The following PKHD1 variants were observed in gnomAD, a reference collection of about 807,000 sequenced individuals.
The protein encoded by PKHD1 is fibrocystin.
PKHD1 carries 291 observed loss-of-function variants against 412.0 expected under a neutral mutation model. The ratio of observed to expected loss-of-function variants is 0.71; its 90% confidence interval spans 0.64 to 0.78. The LOEUF is 0.78. Among genes scored for constraint, PKHD1 ranks in the 30% least tolerant of loss-of-function variants. PKHD1 has a pLI of 0.00. For missense variants in PKHD1, 4,825 were observed against 4,950.7 expected, an observed-to-expected ratio of 0.97 and a Z score of 0.76; for synonymous variants, 1,777 against 1,821.5, an observed-to-expected ratio of 0.98 and a Z score of 0.62.
intron 5 of PKHD1, among the ~76,000 whole-genome samples, chr6:52,076,756 G>C (rs1054862971): frequency 6.6e-6 from 1 of 152,152 alleles, no homozygotes; most frequent in African/African-American, 2.4e-5. Context: ...TTTCTAGAAA[G>C]GAATGCACTT....
At chr6:51,807,576 T>G (rs1764041542) in intron 52 of PKHD1, among the ~76,000 whole-genome samples, 1 of 148,644 alleles carries the variant, frequency 6.7e-6, no homozygotes, top group African/African-American at 2.5e-5. Context: ...TTTATTACCT[T>G]AACACCATCT....
chr6:52,011,233 C>T (rs900804858), intron 34 of PKHD1, among the ~76,000 whole-genome samples: 6 of 152,118 alleles, frequency 3.9e-5, no homozygotes, highest in East Asian at 1.9e-4. Context: ...GAGGTGAGGA[C>T]ATGGATAGTG....
At chr6:51,656,144 T>C (rs772553901) in intron 61 of PKHD1, among the ~76,000 whole-genome samples, 1 of 152,148 alleles carries the variant, frequency 6.6e-6, no homozygotes, top group Non-Finnish European at 1.5e-5. Flanking sequence ...ATATACACCA[T>C]GGAATGCTAT....
intron 22 of PKHD1, among the ~76,000 whole-genome samples, chr6:52,049,659 G>A (rs1424368012): frequency 6.6e-6 from 1 of 152,154 alleles, no homozygotes; most frequent in Admixed American, 6.5e-5. Context: ...TTATTATGAA[G>A]CAATGCTTAT....
At chr6:51,916,652 G>C (rs2127686647) in intron 37 of PKHD1, among the ~76,000 whole-genome samples, 1 of 152,234 alleles carries the variant, frequency 6.6e-6, no homozygotes, top group South Asian at 2.1e-4. Flanking sequence ...TGGACCAACT[G>C]ACTTCTCTGA....
rs574820576 is a variant in PKHD1 at position 52,014,735 on chromosome 6, T to G, written c.5600+2675A>C. Among the ~76,000 whole-genome samples the G allele has an allele frequency of 2.9e-4, 42 of 145,220 alleles. 1 individual carries two copies. The South Asian group carries it at 9.6e-3, about 33-fold the overall frequency. ...ATGGATGGATGGATGGATGGATGGA[T>G]GGATGGATGGATGGATGGATGGATG... On this transcript the variant is annotated intron_variant, in intron 34 of 66. Coordinates refer to ENST00000371117, the MANE Select transcript of PKHD1 (RefSeq NM_138694.4).
At chr6:51,665,253 A>G (rs1241622279) in intron 60 of PKHD1, among the ~76,000 whole-genome samples, 1 of 152,154 alleles carries the variant, frequency 6.6e-6, no homozygotes, top group Non-Finnish European at 1.5e-5. Context: ...AATGTTTCTC[A>G]GAAGTCAGAG....
chr6:51,991,925 A>C (rs1562078701), intron 35 of PKHD1, among the ~76,000 whole-genome samples: 1 of 152,236 alleles, frequency 6.6e-6, no homozygotes, highest in Non-Finnish European at 1.5e-5. Context: ...CAATGCCTGT[A>C]GATACTGAAA....
intron 53 of PKHD1, among the ~76,000 whole-genome samples, chr6:51,783,452 T>C (rs9382022): frequency 0.58 from 87,349 of 149,466 alleles, 26,306 homozygotes; most frequent in East Asian, 0.83. Context: ...TGGTAACCCC[T>C]ATCTGAAGTC....
At chr6:52,032,881 G>C (rs1803277296) in intron 29 of PKHD1, 149 bp downstream of exon 29, 1 of 720,388 alleles carries the variant, frequency 1.4e-6, no homozygotes, top group Non-Finnish European at 2.5e-6. Flanking sequence ...AGATTGATTC[G>C]ATGATGGCTA....
chr6:51,837,172 T>TTAG (rs1450768946), intron 50 of PKHD1, among the ~76,000 whole-genome samples: 1 of 152,166 alleles, frequency 6.6e-6, no homozygotes, highest in Non-Finnish European at 1.5e-5. Context: ...GCCTGATTAA[T>TTAG]TAGTAATCAG....
intron 2 of PKHD1, among the ~76,000 whole-genome samples, chr6:52,083,827 C>A (rs1386891237): frequency 6.6e-6 from 1 of 152,064 alleles, no homozygotes; most frequent in Non-Finnish European, 1.5e-5. Context: ...TTTCAATTCT[C>A]CTGCTCAATA....
intron 46 of PKHD1, among the ~76,000 whole-genome samples, chr6:51,874,945 AC>A (rs1215645081): frequency 1.3e-5 from 1 of 78,380 alleles, no homozygotes; most frequent in Non-Finnish European, 2.3e-5. Flanking sequence ...GCATTGCCTC[AC>A]CTGGGAAGCG....
chr6:51,779,124 G>C (rs1234241396), intron 53 of PKHD1, among the ~76,000 whole-genome samples: 1 of 152,130 alleles, frequency 6.6e-6, no homozygotes, highest in African/African-American at 2.4e-5. Flanking sequence ...GTTCTCCACT[G>C]CAGTGTTATT....
intron 60 of PKHD1, among the ~76,000 whole-genome samples, chr6:51,681,023 C>G (rs1011454096): frequency 6.6e-6 from 1 of 152,034 alleles, no homozygotes; most frequent in Non-Finnish European, 1.5e-5. Context: ...TGGCATCCCT[C>G]TATTGTAAAG....
chr6:51,791,119 C>T lies in PKHD1; in HGVS notation c.8440+117G>A, dbSNP rs1046168860. On this transcript the variant is annotated intron_variant, in intron 53 of 66. Transcript: ENST00000371117. ...ACTTTACTGGTGCACTCACTACTAC[C>T]TTAACCCTCCCTAAACTCTGTTAAG... 4 of 1,035,558 alleles carry T rather than the reference C, an allele frequency of 3.9e-6. No homozygotes were observed. In the African/African-American group the frequency reaches 4.7e-5, roughly 12 times the overall value. The allele number at this position is 1,035,558 out of a possible 1,614,324, so 64.1% of individuals were successfully genotyped here. A position where few individuals can be genotyped will look rare whatever the true frequency, so the allele number is the denominator to read the frequency against.
chr6:51,836,139 T>A (rs149037878), intron 51 of PKHD1, among the ~76,000 whole-genome samples: 1 of 152,226 alleles, frequency 6.6e-6, no homozygotes, highest in Non-Finnish European at 1.5e-5. Context: ...TGTGCACATA[T>A]GGTCCATAAT....
Position 51,801,442 on chromosome 6 carries a change from G to T in PKHD1, c.8303-10069C>A, listed in dbSNP as rs138887544. On this transcript the variant is annotated intron_variant, in intron 52 of 66. Transcript: ENST00000371117. The stretch of plus-strand genomic sequence containing the variant: ...TTTCTATAACTAAACTCTTTTCAAA[G>T]AAGTGCTAGCTTTATAGTCTGCCTT... Among the ~76,000 whole-genome samples, 5 of 152,252 alleles carry T rather than the reference G, an allele frequency of 3.3e-5. No individual in the cohort carries two copies. In the East Asian group the frequency reaches 9.7e-4, roughly 29 times the overall value.
chr6:51,981,305 CT>C lies in PKHD1; in HGVS notation c.5752-21280del, dbSNP rs1562045502. 3.6e-4 allele frequency among the ~76,000 whole-genome samples: 12 copies of C among 32,900 alleles called. 2 individuals are homozygous for C. The highest frequency in any genetic ancestry group is 9.6e-4 in the South Asian group (1 of 1,042). The allele number at this position is 32,900 out of a possible 152,430, so 21.6% of individuals were successfully genotyped here. On this transcript the variant is annotated intron_variant, in intron 35 of 66. Coordinates refer to ENST00000371117, the MANE Select transcript of PKHD1 (RefSeq NM_138694.4). ...GAGCCCTTTTAGAGAGGCTCCAAAG[CT>C]CAAGCTCTCCCTCTCCCTCTCCCTC...
Sources: allele counts gnomAD v4.1 joint callset (sites outside exome capture counted in the v4.1 genomes callset), GRCh38; gene constraint gnomAD v4.1.1; transcripts MANE v1.5; gene names NCBI Gene and HGNC (gene_info 2026-07-23, HGNC 2026-07-21).